The following DLG2 variants were observed in gnomAD, a reference collection of about 807,000 sequenced individuals.
DLG2 encodes discs large MAGUK scaffold protein 2.
Under a neutral mutation model 132.5 loss-of-function variants are expected in DLG2, and 45 were observed. The ratio of observed to expected loss-of-function variants is 0.34; its 90% CI spans 0.27 to 0.44. DLG2 has a LOEUF of 0.44. DLG2 is among the 20% of genes least tolerant of loss of function. The pLI, the probability that DLG2 is intolerant of heterozygous loss-of-function variation, is 1.00. For missense variants in DLG2, 1,045 were observed against 1,196.9 expected (o/e 0.87, Z 1.87); for synonymous variants, 424 against 419.6 (o/e 1.01, Z -0.13).
At chr11:84,923,321 T>C (rs933616895) in intron 6 of DLG2, 2 of 1,360,526 alleles carry the variant, frequency 1.5e-6, no homozygotes, top group African/African-American at 2.9e-5. Flanking sequence ...TCATTGGCTA[T>C]ATATAGCATT....
At chr11:83,688,621 ATGAG>A (rs2080264489) in intron 18 of DLG2, among the ~76,000 whole-genome samples, 2 of 152,302 alleles carry the variant, frequency 1.3e-5, no homozygotes, top group Admixed American at 1.3e-4. Flanking sequence ...ATTCGTGTTC[ATGAG>A]TATGTGTGCA....
intron 6 of DLG2, among the ~76,000 whole-genome samples, chr11:84,880,477 C>T (rs942429001): frequency 1.3e-5 from 2 of 151,692 alleles, no homozygotes; most frequent in Non-Finnish European, 2.9e-5. Context: ...TGCTTTGTCC[C>T]GAATATTTTG....
intron 18 of DLG2, among the ~76,000 whole-genome samples, chr11:83,737,870 G>A (rs2092114471): frequency 6.6e-6 from 1 of 152,162 alleles, no homozygotes; most frequent in African/African-American, 2.4e-5. Flanking sequence ...GTTTTCTTCT[G>A]TACTTGCAAT....
intron 2 of DLG2, among the ~76,000 whole-genome samples, chr11:85,614,132 G>A (rs1404369274): frequency 2.0e-5 from 3 of 152,210 alleles, no homozygotes; most frequent in Non-Finnish European, 4.4e-5. Flanking sequence ...ACGAGTATCA[G>A]TGGCTTCATT....
chr11:84,707,580 G>A (rs992603175), intron 6 of DLG2, among the ~76,000 whole-genome samples: 1 of 151,830 alleles, frequency 6.6e-6, no homozygotes, highest in Non-Finnish European at 1.5e-5. Context: ...AGTACAATAG[G>A]TTGTATTCCC....
At chr11:84,306,527 G>A (rs571756699) in intron 7 of DLG2, among the ~76,000 whole-genome samples, 2 of 152,148 alleles carry the variant, frequency 1.3e-5, no homozygotes, top group African/African-American at 2.4e-5. Flanking sequence ...CGGAGTTATA[G>A]TCCCAGAAAA....
chr11:83,543,797 A>ACT (rs764910220), intron 19 of DLG2, among the ~76,000 whole-genome samples: 26 of 152,176 alleles, frequency 1.7e-4, no homozygotes, highest in South Asian at 1.2e-3. Flanking sequence ...TATAGATTCT[A>ACT]CTCTGTGCAA....
intron 11 of DLG2, among the ~76,000 whole-genome samples, chr11:84,003,512 A>G (rs1426225734): frequency 6.6e-6 from 1 of 152,132 alleles, no homozygotes; most frequent in Non-Finnish European, 1.5e-5. Context: ...CAAACTTACA[A>G]TTATGGCAGA....
intron 3 of DLG2, among the ~76,000 whole-genome samples, chr11:85,423,299 G>C (rs980786998): frequency 2.6e-5 from 4 of 152,186 alleles, no homozygotes; most frequent in African/African-American, 9.6e-5. Context: ...GGATCTCTCA[G>C]CTGTGGATAC....
At chr11:85,500,905 T>C (rs2093785740) in intron 3 of DLG2, among the ~76,000 whole-genome samples, 1 of 152,146 alleles carries the variant, frequency 6.6e-6, no homozygotes, top group African/African-American at 2.4e-5. Flanking sequence ...CTTCACAGAA[T>C]TGGAAAAAAA....
At chr11:84,483,837 G>T (rs2099144209) in intron 7 of DLG2, among the ~76,000 whole-genome samples, 1 of 152,182 alleles carries the variant, frequency 6.6e-6, no homozygotes. Flanking sequence ...TCTAAGGAAA[G>T]AATATACCTA....
At chr11:83,929,147 T>C (rs2079634928) in intron 15 of DLG2, among the ~76,000 whole-genome samples, 1 of 152,210 alleles carries the variant, frequency 6.6e-6, no homozygotes, top group Non-Finnish European at 1.5e-5. Context: ...CTGGAAATGT[T>C]AGATGTAATT....
chr11:84,918,097 G>A lies in DLG2; in HGVS notation c.357+193564C>T, dbSNP rs553062275. On this transcript the variant is annotated intron_variant, in intron 6 of 27. Coordinates refer to ENST00000376104, the MANE Select transcript of DLG2 (RefSeq NM_001142699.3). ...TAGGTGTCAGCAGCATAAGGAGACA[G>A]AGTTTCTGGAAGTTTCCCTTTCAAT... 3.3e-5 allele frequency among the ~76,000 whole-genome samples: 5 copies of A among 152,248 alleles called. No homozygotes were observed. The East Asian group carries it at 7.7e-4, about 24-fold the overall frequency.
intron 9 of DLG2, among the ~76,000 whole-genome samples, chr11:84,151,803 C>A (rs2095301287): frequency 6.6e-6 from 1 of 152,138 alleles, no homozygotes; most frequent in African/African-American, 2.4e-5. Flanking sequence ...ATTATTCACC[C>A]AAAAGTCATT....
chr11:84,857,793 CTGT>C (rs1237055802), intron 6 of DLG2, among the ~76,000 whole-genome samples: 1 of 151,950 alleles, frequency 6.6e-6, no homozygotes, highest in Non-Finnish European at 1.5e-5. Context: ...GATCTTTGGC[CTGT>C]TGTTTGGATC....
chr11:85,581,072 T>A (rs149405267), intron 3 of DLG2, among the ~76,000 whole-genome samples: 65 of 152,222 alleles, frequency 4.3e-4, no homozygotes, highest in African/African-American at 1.5e-3. Context: ...GGGGTTGGGA[T>A]GTTCATTCCC....
intron 7 of DLG2, among the ~76,000 whole-genome samples, chr11:84,390,425 T>C (rs1186243212): frequency 6.6e-6 from 1 of 152,192 alleles, no homozygotes; most frequent in African/African-American, 2.4e-5. Flanking sequence ...TCTTCTTTTA[T>C]ATGTTAGTGT....
At chr11:85,569,583 C>T (rs545666711) in intron 3 of DLG2, among the ~76,000 whole-genome samples, 1 of 152,234 alleles carries the variant, frequency 6.6e-6, no homozygotes, top group East Asian at 1.9e-4. Context: ...GAAGAGCACA[C>T]TTTGTATGAT....
At chr11:85,419,950 T>C (rs2090160241) in intron 3 of DLG2, among the ~76,000 whole-genome samples, 1 of 152,222 alleles carries the variant, frequency 6.6e-6, no homozygotes, top group Non-Finnish European at 1.5e-5. Context: ...TTCAAACTCA[T>C]TCCCCATCCA....
Sources: gnomAD v4.1 joint callset for allele counts (sites outside exome capture counted in the v4.1 genomes callset) on GRCh38, gnomAD v4.1.1 for gene constraint, MANE v1.5 for transcripts, NCBI Gene and HGNC (gene_info 2026-07-23, HGNC 2026-07-21) for gene names.